Variants in TET3 observed in about 807,000 individuals in gnomAD.
The protein encoded by TET3 is methylcytosine dioxygenase TET3.
Under a neutral mutation model 141.4 loss-of-function variants are expected in TET3, and 19 were observed. That is an observed-to-expected ratio of 0.13 (90% CI 0.09 to 0.20). The LOEUF is 0.20. Ranked by LOEUF, TET3 falls within the 10% of genes least tolerant of loss-of-function variation. The pLI, the probability that TET3 is intolerant of heterozygous loss-of-function variation, is 1.00. For synonymous variants in TET3, 1,043 were observed against 980.9 expected, an observed-to-expected ratio of 1.06 and a Z score of -1.18; for missense variants, 1,874 against 2,356.9, an observed-to-expected ratio of 0.80 and a Z score of 4.24.
At chr2:74,009,572 G>GAC (rs768197382) in intron 3 of TET3, among the ~76,000 whole-genome samples, 3 of 152,210 alleles carry the variant, frequency 2.0e-5, no homozygotes, top group Non-Finnish European at 2.9e-5. Flanking sequence ...AGCCCTGGAG[G>GAC]TGGTGTCCAA....
chr2:74,099,106 C>G (rs527969036), intron 10 of TET3, among the ~76,000 whole-genome samples, 170 bp from the exon 11 acceptor site: 1 of 152,290 alleles, frequency 6.6e-6, no homozygotes, highest in African/African-American at 2.4e-5. Context: ...GATACTGTTG[C>G]CCCGTGAACC....
At position 74,107,936 on chromosome 2, in the gene TET3, TA is replaced by T. The variant is rs1691601202; in HGVS notation, c.*5761del. The T allele has an allele frequency of 6.5e-6, 1 of 153,196 alleles. No individual in the cohort carries two copies. The highest frequency in any genetic ancestry group is 1.9e-4 in the East Asian group (1 of 5,204). 9.5% of individuals were successfully genotyped at this position (153,196 alleles called of 1,614,324 possible). On this transcript the variant is annotated 3_prime_UTR_variant, in exon 12 of 12. Coordinates refer to ENST00000409262, the MANE Select transcript of TET3 (RefSeq NM_001287491.2). ...TGTATAATTTTTACCTTTTTGTTAATATTTTTTCCTTCCACTTTATTGGTTT... is the reference window on the plus strand; with the variant it reads ...TGTATAATTTTTACCTTTTTGTTAATTTTTTTCCTTCCACTTTATTGGTTT...
intron 3 of TET3, among the ~76,000 whole-genome samples, chr2:74,004,254 T>C (rs1413685049): frequency 6.6e-6 from 1 of 152,150 alleles, no homozygotes; most frequent in East Asian, 1.9e-4. Context: ...GGATCTTGGT[T>C]GCTTGGGTAG....
chr2:74,047,047 C>T lies in TET3; in HGVS notation c.1130C>T (p.Thr377Ile), dbSNP rs202078503. 138 of 1,613,832 alleles carry T rather than the reference C, an allele frequency of 8.6e-5. No individual in the cohort carries two copies. Among genetic ancestry groups the T allele is most frequent in the South Asian group, 6.6e-5 (6 of 91,084 alleles). Residue 377 changes from threonine to isoleucine, a missense_variant, in exon 4 of 12, where the codon ACC (threonine) becomes ATC (isoleucine). By Grantham distance (89) the Thr-to-Ile change is moderately conservative. Coordinates refer to ENST00000409262, the MANE Select transcript of TET3 (RefSeq NM_001287491.2). ...GCCCTCCCGCAGCCTTCTCATTCCA[C>T]CCCCCAGGCTTCTTGCCCCCTTCCT... ...SSALPQPSHS[T>I]PQASCPLPEA...
At chr2:74,037,485 C>T (rs1431024748) in intron 3 of TET3, among the ~76,000 whole-genome samples, 1 of 152,182 alleles carries the variant, frequency 6.6e-6, no homozygotes, top group East Asian at 1.9e-4. Context: ...AGTAGCTGAG[C>T]TGGTGGTATG....
rs549167773 is a variant in TET3, at chr2:74,104,407, A to C, written c.*2231A>C. ...AAGCAGAGTCTTTAATGAGCATGCTAATTTTCTAGTTTTGAGGAAAAATTG... is the reference window on the plus strand; with the variant it reads ...AAGCAGAGTCTTTAATGAGCATGCTCATTTTCTAGTTTTGAGGAAAAATTG... On this transcript the variant is annotated 3_prime_UTR_variant, in exon 12 of 12. Transcript: ENST00000409262. 6.6e-6 allele frequency: 1 copy of C among 152,208 alleles called. No individual in the cohort carries two copies. The highest frequency in any genetic ancestry group is 1.5e-5 in the Non-Finnish European group (1 of 68,036). 9.4% of individuals were successfully genotyped at this position (152,208 alleles called of 1,614,324 possible). A position where few individuals can be genotyped will look rare whatever the true frequency, so the allele number is the denominator to read the frequency against.
the TET3 span, among the ~76,000 whole-genome samples, chr2:74,120,139 G>A: frequency 6.6e-6 from 1 of 152,152 alleles, no homozygotes; most frequent in African/African-American, 2.4e-5. Flanking sequence ...TTCTTCCCTG[G>A]GTGCTCCCGG....
At chr2:74,010,508 G>A (rs1685374909) in intron 3 of TET3, among the ~76,000 whole-genome samples, 1 of 152,204 alleles carries the variant, frequency 6.6e-6, no homozygotes, top group South Asian at 2.1e-4. Flanking sequence ...CAACGAGTTT[G>A]GTGGTTCTCA....
At chr2:74,061,404 T>C (rs1573820958) in intron 4 of TET3, among the ~76,000 whole-genome samples, 1 of 128,508 alleles carries the variant, frequency 7.8e-6, no homozygotes, top group African/African-American at 3.0e-5. Flanking sequence ...ACGGGGCGGC[T>C]GGCAGGGCGG....
rs1690579693 is a variant in TET3 at position 74,092,773 on chromosome 2, A to G, written c.3040-129A>G. 3.1e-5 allele frequency: 24 copies of G among 772,868 alleles called. 1 individual carries two copies. The South Asian group carries it at 4.0e-4, about 13-fold the overall frequency. The allele number at this position is 772,868 out of a possible 1,614,324, so 47.9% of individuals were successfully genotyped here. A position where few individuals can be genotyped will look rare whatever the true frequency, so the allele number is the denominator to read the frequency against. ...CCACAGCCCTCCTGAAGGAAAGGCC[A>G]GAAAGACACCTGATAACACCTCCCT... On this transcript the variant is annotated intron_variant, in intron 8 of 11. Coordinates refer to ENST00000409262, the MANE Select transcript of TET3 (RefSeq NM_001287491.2).
At chr2:73,994,634 CTTTCTTTTT>C in intron 2 of TET3, among the ~76,000 whole-genome samples, 2 of 106,382 alleles carry the variant, frequency 1.9e-5, no homozygotes, top group African/African-American at 1.1e-4. Context: ...TTCTTTCTTT[CTTTCTTTTT>C]TTTTTTTTTT....
At chr2:74,003,080 G>A in intron 2 of TET3, 30 bp from the exon 3 acceptor site, 1 of 1,550,416 alleles carries the variant, frequency 6.4e-7, no homozygotes, top group Non-Finnish European at 8.7e-7. Context: ...TACCCGCCTG[G>A]CTCACACGTT....
chr2:74,001,517 AG>A (rs892777471), intron 2 of TET3, among the ~76,000 whole-genome samples: 3 of 152,146 alleles, frequency 2.0e-5, no homozygotes, highest in Admixed American at 6.5e-5. Context: ...AGGCTACGAG[AG>A]GTAAGTTACA....
chr2:73,991,761 C>T (rs957969001), intron 2 of TET3, among the ~76,000 whole-genome samples: 14 of 143,968 alleles, frequency 9.7e-5, no homozygotes, highest in African/African-American at 3.7e-4. Context: ...GCTGAAATTG[C>T]GCCATTGCAC....
intron 4 of TET3, among the ~76,000 whole-genome samples, chr2:74,057,658 G>A (rs1688289360): frequency 6.6e-6 from 1 of 152,238 alleles, no homozygotes; most frequent in African/African-American, 2.4e-5. Context: ...CAAAAGTGGT[G>A]TGGAACCACT....
chr2:74,117,721 G>A, the TET3 span, among the ~76,000 whole-genome samples: 3 of 151,720 alleles, frequency 2.0e-5, no homozygotes, highest in Admixed American at 6.6e-5. Flanking sequence ...ATTTTATCAT[G>A]TTCTACCATA....
At chr2:74,069,343 G>T (rs1573846114) in intron 4 of TET3, among the ~76,000 whole-genome samples, 1 of 148,988 alleles carries the variant, frequency 6.7e-6, no homozygotes, top group Admixed American at 6.8e-5. Context: ...AGTTTTTAAA[G>T]GCAACAGTCA....
chr2:74,095,410 A>G (rs961003397), intron 10 of TET3, among the ~76,000 whole-genome samples: 1 of 152,236 alleles, frequency 6.6e-6, no homozygotes, highest in South Asian at 2.1e-4. Context: ...TGGATCGCAG[A>G]GCTTCTAGAG....
intron 3 of TET3, among the ~76,000 whole-genome samples, chr2:74,013,679 G>A (rs1384669035): frequency 6.6e-6 from 1 of 152,048 alleles, no homozygotes; most frequent in African/African-American, 2.4e-5. Flanking sequence ...GGGCGTGGTG[G>A]CGGGTGCTTG....
Sources: allele counts gnomAD v4.1 joint callset (sites outside exome capture counted in the v4.1 genomes callset), GRCh38; gene constraint gnomAD v4.1.1; transcripts MANE v1.5; gene names NCBI Gene and HGNC (gene_info 2026-07-23, HGNC 2026-07-21).